Variants in SHROOM4 observed in about 807,000 individuals in gnomAD.
The protein encoded by SHROOM4 is protein Shroom4.
Under a neutral mutation model 80.3 loss-of-function variants are expected in SHROOM4, and 17 were observed. The observed-to-expected ratio is 0.21, with a 90% confidence interval of 0.14 to 0.32. The LOEUF is 0.32. Ranked by LOEUF, SHROOM4 falls within the 10% of genes least tolerant of loss-of-function variation. The pLI, the probability that SHROOM4 is intolerant of heterozygous loss-of-function variation, is 1.00. For synonymous variants in SHROOM4, 400 were observed against 437.5 expected (o/e 0.91, Z 1.07); for missense variants, 993 against 1,140.3 (o/e 0.87, Z 1.86).
At chrX:50,658,602 T>G (rs1459978160) in intron 2 of SHROOM4, among the ~76,000 whole-genome samples, 2 of 111,799 alleles carry the variant, frequency 1.8e-5, no homozygotes, top group Middle Eastern at 4.6e-3. Flanking sequence ...TCCAAATTCA[T>G]TAGCTTGGCA....
chrX:50,748,327 T>A (rs1934822785), intron 1 of SHROOM4, among the ~76,000 whole-genome samples: 1 of 111,091 alleles, frequency 9.0e-6, no homozygotes, highest in Non-Finnish European at 1.9e-5. Flanking sequence ...TTCATACATG[T>A]TGGAAAAACT....
At chrX:50,638,034 C>A in intron 3 of SHROOM4, 140 bp downstream of exon 3, 1 of 757,998 alleles carries the variant, frequency 1.3e-6, no homozygotes, top group South Asian at 2.5e-5. Context: ...AGCACTTGAA[C>A]TCAGGTACTC....
intron 1 of SHROOM4, among the ~76,000 whole-genome samples, chrX:50,774,401 T>G (rs1212994359): frequency 9.0e-6 from 1 of 111,468 alleles, no homozygotes; most frequent in African/African-American, 3.3e-5. Context: ...TGAGAATACA[T>G]CTCTTGAAAA....
At chrX:50,645,828 G>A (rs1007225237) in intron 2 of SHROOM4, among the ~76,000 whole-genome samples, 3 of 111,608 alleles carry the variant, frequency 2.7e-5, no homozygotes. Flanking sequence ...ACGTGAACTT[G>A]GCATGGGGGC....
chrX:50,784,903 A>G (rs189970000), intron 1 of SHROOM4, among the ~76,000 whole-genome samples: 10 of 112,125 alleles, frequency 8.9e-5, no homozygotes, highest in Admixed American at 7.5e-4. Context: ...AATAAAAAAT[A>G]ACTCTTACAA....
intron 2 of SHROOM4, among the ~76,000 whole-genome samples, chrX:50,639,561 G>A (rs1931505347): frequency 9.0e-6 from 1 of 111,326 alleles, no homozygotes; most frequent in African/African-American, 3.3e-5. Context: ...CTGTGCCAGG[G>A]TCCAGACTAG....
chrX:50,618,403 CCTTCCTTCCTTCCTTCCTTTCTT>C, intron 5 of SHROOM4, among the ~76,000 whole-genome samples: 2 of 81,688 alleles, frequency 2.4e-5, no homozygotes, highest in East Asian at 9.0e-4. Flanking sequence ...TTCCTTCCTT[CCTTCCTTCCTTCCTTCCTTTCTT>C]ATTTTTGAGA....
chrX:50,658,443 T>G (rs2147361604), intron 2 of SHROOM4, among the ~76,000 whole-genome samples: 1 of 111,367 alleles, frequency 9.0e-6, no homozygotes, highest in East Asian at 2.8e-4. Context: ...CTGAATCACT[T>G]TAACTATAGC....
At chrX:50,690,844 G>A (rs1415900348) in intron 2 of SHROOM4, among the ~76,000 whole-genome samples, 2 of 111,923 alleles carry the variant, frequency 1.8e-5, no homozygotes, top group African/African-American at 6.5e-5. Flanking sequence ...GTGCACGCCT[G>A]TAGTCCCAGC....
At chrX:50,714,662 A>T (rs2147500320) in intron 1 of SHROOM4, among the ~76,000 whole-genome samples, 1 of 112,445 alleles carries the variant, frequency 8.9e-6, no homozygotes, top group South Asian at 3.7e-4. Context: ...AACACTTTTA[A>T]ATTATAACTT....
At chrX:50,621,596 C>T (rs1930575856) in intron 5 of SHROOM4, among the ~76,000 whole-genome samples, 1 of 111,905 alleles carries the variant, frequency 8.9e-6, no homozygotes, top group Non-Finnish European at 1.9e-5. Flanking sequence ...TGCATTTATT[C>T]ATATTATTTC....
At chrX:50,781,070 G>A (rs1557270612) in intron 1 of SHROOM4, among the ~76,000 whole-genome samples, 1 of 111,202 alleles carries the variant, frequency 9.0e-6, no homozygotes, top group East Asian at 2.8e-4. Flanking sequence ...GAAGATGGAT[G>A]CCCAGCTAAA....
chrX:50,716,140 A>G (rs1302137554), intron 1 of SHROOM4, among the ~76,000 whole-genome samples: 5 of 102,284 alleles, frequency 4.9e-5, no homozygotes, highest in Admixed American at 3.3e-4. Flanking sequence ...CTCATGTGAG[A>G]GCTTATTAGA....
chrX:50,687,413 C>A (rs1441927792), intron 2 of SHROOM4, among the ~76,000 whole-genome samples: 1 of 110,862 alleles, frequency 9.0e-6, no homozygotes, highest in Non-Finnish European at 1.9e-5. Context: ...TACCCCACCT[C>A]TGTTTTATAT....
At chrX:50,603,664 C>T (rs1353064061) in intron 6 of SHROOM4, among the ~76,000 whole-genome samples, 1 of 111,824 alleles carries the variant, frequency 8.9e-6, no homozygotes, top group Admixed American at 9.5e-5. Flanking sequence ...ACCCTGTTGT[C>T]TTGGGTTCAC....
rs538125494 is a variant in SHROOM4 at position 50,787,882 on chromosome X, C to T, written c.117+26020G>A. ...GACCAAACAGACAAACAAAAAAACC[C>T]GAGAGAGTTCATCACCACCAGACTT... is the stretch of plus-strand genomic sequence containing the variant. On this transcript the variant is annotated intron_variant, in intron 1 of 8. Coordinates refer to ENST00000376020, the MANE Select transcript of SHROOM4 (RefSeq NM_020717.5). 3.7e-4 allele frequency among the ~76,000 whole-genome samples: 41 copies of T among 110,610 alleles called. No individual in the cohort carries two copies. The South Asian group carries it at 0.014, about 37-fold the overall frequency.
chrX:50,618,285 T>C (rs1438089127), intron 5 of SHROOM4, among the ~76,000 whole-genome samples: 1 of 47 alleles, frequency 0.021, no homozygotes. Flanking sequence ...TTCCCCTTCC[T>C]TCCTTCCTTC....
In SHROOM4 at chrX:50,593,081, A is replaced by G. The variant is rs1040589408; in HGVS notation, c.*3614T>C. On this transcript the variant is annotated 3_prime_UTR_variant, in exon 9 of 9. Transcript: ENST00000376020. ...CCTACTCAGGATGGTCTTGAAATAGATGTCTAAAAGCTGTTCCCCTAAAAA... is the reference window on the plus strand; with the variant it reads ...CCTACTCAGGATGGTCTTGAAATAGGTGTCTAAAAGCTGTTCCCCTAAAAA... 3.6e-5 allele frequency: 4 copies of G among 111,983 alleles called. No homozygotes were observed. Among genetic ancestry groups the G allele is most frequent in the African/African-American group, 9.7e-5 (3 of 30,782 alleles). The allele number at this position is 111,983 out of a possible 1,213,427, so 9.2% of individuals were successfully genotyped here.
At chrX:50,584,704 G>C (rs1928727314), downstream of SHROOM4, among the ~76,000 whole-genome samples, 1 of 111,298 alleles carries the variant, frequency 9.0e-6, no homozygotes, top group African/African-American at 3.3e-5. Flanking sequence ...AGGATGTCTG[G>C]GATTACTCTA....
Sources: allele counts gnomAD v4.1 joint callset (sites outside exome capture counted in the v4.1 genomes callset), GRCh38; gene constraint gnomAD v4.1.1; transcripts MANE v1.5; gene names NCBI Gene and HGNC (gene_info 2026-07-23, HGNC 2026-07-21).